The following ITPKB variants were observed in gnomAD, a reference collection of about 807,000 sequenced individuals.
ITPKB encodes inositol-trisphosphate 3-kinase B.
A neutral mutation model predicts 69.4 loss-of-function variants in ITPKB; 13 were observed. The observed-to-expected ratio is 0.19, with a 90% CI of 0.12 to 0.30. ITPKB has a LOEUF of 0.30. Ranked by LOEUF, ITPKB falls within the 10% of genes least tolerant of loss-of-function variation. The pLI is 1.00. For synonymous variants in ITPKB, 584 were observed against 513.7 expected (o/e 1.14, Z -1.85); for missense variants, 1,240 against 1,250.5 (o/e 0.99, Z 0.13).
At chr1:226,702,144 C>G (rs1656683362) in intron 2 of ITPKB, among the ~76,000 whole-genome samples, 2 of 152,002 alleles carry the variant, frequency 1.3e-5, no homozygotes, top group Admixed American at 6.5e-5. Context: ...GCCTGGAATC[C>G]CAGCACTTTG....
At chr1:226,723,354 G>C (rs1471600604) in intron 2 of ITPKB, among the ~76,000 whole-genome samples, 1 of 152,152 alleles carries the variant, frequency 6.6e-6, no homozygotes, top group Non-Finnish European at 1.5e-5. Flanking sequence ...GAGTCCCTGT[G>C]AATGGACACG....
intron 2 of ITPKB, among the ~76,000 whole-genome samples, chr1:226,724,465 T>A (rs1657345815): frequency 6.6e-6 from 1 of 152,218 alleles, no homozygotes; most frequent in Admixed American, 6.5e-5. Flanking sequence ...ACACCACAGC[T>A]GCCTCTGAGG....
At chr1:226,703,145 G>T (rs1211127046) in intron 2 of ITPKB, among the ~76,000 whole-genome samples, 1 of 152,122 alleles carries the variant, frequency 6.6e-6, no homozygotes, top group African/African-American at 2.4e-5. Context: ...GGAAAAATGG[G>T]GAATGTCTGA....
At chr1:226,710,988 A>G (rs572932580) in intron 2 of ITPKB, among the ~76,000 whole-genome samples, 1 of 152,316 alleles carries the variant, frequency 6.6e-6, no homozygotes, top group South Asian at 2.1e-4. Flanking sequence ...CAACCCCAAA[A>G]GCAGGGCCCT....
At chr1:226,726,711 G>T (rs531872356) in intron 2 of ITPKB, among the ~76,000 whole-genome samples, 72 of 151,792 alleles carry the variant, frequency 4.7e-4, no homozygotes, top group African/African-American at 1.7e-3. Flanking sequence ...AAAAGAAAAA[G>T]CGTTCAGCGG....
chr1:226,661,267 C>G (rs551192522), intron 2 of ITPKB, among the ~76,000 whole-genome samples: 1 of 152,266 alleles, frequency 6.6e-6, no homozygotes, highest in African/African-American at 2.4e-5. Context: ...GCGAGCTGTT[C>G]TAGTGCCAGT....
intron 2 of ITPKB, among the ~76,000 whole-genome samples, chr1:226,734,758 G>A (rs1657695651): frequency 6.6e-6 from 1 of 152,138 alleles, no homozygotes; most frequent in Non-Finnish European, 1.5e-5. Context: ...CAAACCAGAG[G>A]CACGTGAAAA....
At chr1:226,648,454 T>G (rs1669106386) in intron 3 of ITPKB, among the ~76,000 whole-genome samples, 1 of 13,720 alleles carries the variant, frequency 7.3e-5, no homozygotes, top group African/African-American at 6.9e-4. Flanking sequence ...GATGCATGTT[T>G]TGGAGGATGG....
chr1:226,646,567 C>G (rs1178862114), intron 4 of ITPKB, among the ~76,000 whole-genome samples: 2 of 152,170 alleles, frequency 1.3e-5, no homozygotes, highest in Non-Finnish European at 2.9e-5. Flanking sequence ...GGAGCCAGTC[C>G]TGCACACAGG....
intron 7 of ITPKB, among the ~76,000 whole-genome samples, chr1:226,635,589 A>G (rs1668818734): frequency 6.6e-6 from 1 of 152,076 alleles, no homozygotes; most frequent in Non-Finnish European, 1.5e-5. Context: ...GCCTCCTAGA[A>G]CCTGACTCCT....
At chr1:226,653,290 G>C (rs1669230444) in intron 2 of ITPKB, among the ~76,000 whole-genome samples, 1 of 152,230 alleles carries the variant, frequency 6.6e-6, no homozygotes. Flanking sequence ...ATCAACGAGT[G>C]AGGGCCCACC....
Position 226,641,852 on chromosome 1 carries a change from T to A in ITPKB, c.2451+69A>T. On this transcript the variant is annotated intron_variant, in intron 5 of 7. Coordinates refer to ENST00000429204, the MANE Select transcript of ITPKB (RefSeq NM_002221.4). The surrounding 1 kb of genome is among the most constrained non-coding windows in gnomAD (Gnocchi z 4.6). The stretch of plus-strand genomic sequence containing the variant: ...GAAGCTTACAGCTTCCAAAGGGCGC[T>A]GAGAGAAGCCAAGCCCCCTGAGGTG... The A allele has an allele frequency of 7.0e-7, 1 of 1,425,310 alleles. No individual in the cohort carries two copies. Among genetic ancestry groups the A allele is most frequent in the Non-Finnish European group, 9.7e-7 (1 of 1,031,718 alleles). The allele number at this position is 1,425,310 out of a possible 1,614,324, so 88.3% of individuals were successfully genotyped here.
chr1:226,658,670 T>A (rs1159519733), intron 2 of ITPKB, among the ~76,000 whole-genome samples: 1 of 152,138 alleles, frequency 6.6e-6, no homozygotes, highest in Non-Finnish European at 1.5e-5. Flanking sequence ...CGTGTGATGT[T>A]CCCGCAGGCT....
chr1:226,648,292 GT>G (rs1378973431), intron 3 of ITPKB, among the ~76,000 whole-genome samples: 5 of 152,232 alleles, frequency 3.3e-5, no homozygotes, highest in Admixed American at 1.3e-4. Flanking sequence ...CAATGAAGGG[GT>G]TAGCTTTGCC....
In ITPKB at chr1:226,641,359, T is replaced by C. The variant is rs1456111708; in HGVS notation, c.2451+562A>G. Among the ~76,000 whole-genome samples, 1 of 152,182 alleles carries C rather than the reference T, an allele frequency of 6.6e-6. No homozygotes were observed. Among genetic ancestry groups the C allele is most frequent in the Non-Finnish European group, 1.5e-5 (1 of 68,040 alleles). ...GTAAACCACAAACACAAAGTAAATA[T>C]ATTAATTAGGGGAAAATTACATTTA... On this transcript the variant is annotated intron_variant, in intron 5 of 7. Coordinates refer to ENST00000429204, the MANE Select transcript of ITPKB (RefSeq NM_002221.4). This position sits in a 1 kb window ranked among gnomAD's most constrained non-coding sequence, Gnocchi z 4.6.
intron 2 of ITPKB, among the ~76,000 whole-genome samples, chr1:226,722,002 G>A (rs1334590936): frequency 4.6e-5 from 7 of 151,530 alleles, no homozygotes; most frequent in Non-Finnish European, 5.9e-5. Context: ...TAGTAGATAC[G>A]GGATTTCACC....
chr1:226,721,003 G>A (rs2102643426), intron 2 of ITPKB, among the ~76,000 whole-genome samples: 1 of 146,838 alleles, frequency 6.8e-6, no homozygotes, highest in East Asian at 2.0e-4. Context: ...GATCATGCCA[G>A]TGCACCCCAG....
intron 2 of ITPKB, among the ~76,000 whole-genome samples, chr1:226,649,093 C>CA (rs1465425899): frequency 1.3e-5 from 2 of 152,252 alleles, no homozygotes; most frequent in East Asian, 3.8e-4. Context: ...GATGCGGAGG[C>CA]ACCAGAGGCA....
chr1:226,679,952 G>A (rs1656037385), intron 2 of ITPKB, among the ~76,000 whole-genome samples: 1 of 152,142 alleles, frequency 6.6e-6, no homozygotes, highest in African/African-American at 2.4e-5. Flanking sequence ...GAGAGGGCAG[G>A]GAGAAAAGGG....
Sources: gnomAD v4.1 joint callset for allele counts (sites outside exome capture counted in the v4.1 genomes callset) on GRCh38, gnomAD v4.1.1 for gene constraint, Gnocchi (gnomAD v3.1) non-coding constraint, MANE v1.5 for transcripts, NCBI Gene and HGNC (gene_info 2026-07-23, HGNC 2026-07-21) for gene names.